Variants in PCDHGA1 observed in about 807,000 individuals in gnomAD.
The protein encoded by PCDHGA1 is protocadherin gamma-A1.
Under a neutral mutation model 58.0 loss-of-function variants are expected in PCDHGA1, and 32 were observed. The ratio of observed to expected loss-of-function variants is 0.55; its 90% CI spans 0.42 to 0.74. The LOEUF (loss-of-function observed/expected upper bound fraction) is 0.74, where lower values mean the gene tolerates loss of function less well. Ranked by LOEUF, PCDHGA1 falls within the 30% of genes least tolerant of loss-of-function variation. PCDHGA1 has a pLI of 0.00. For missense variants in PCDHGA1, 1,205 were observed against 1,182.3 expected, an observed-to-expected ratio of 1.02 and a Z score of -0.28; for synonymous variants, 498 against 501.1, an observed-to-expected ratio of 0.99 and a Z score of 0.08.
chr5:141,364,866 C>A (rs749361969), intron 1 of PCDHGA1: 1 of 1,614,016 alleles, frequency 6.2e-7, no homozygotes, highest in Non-Finnish European at 8.5e-7. Context: ...CTGCACTTCT[C>A]TCTGGATGTG....
chr5:141,340,315 C>T (rs749272977), intron 1 of PCDHGA1: 4 of 1,614,024 alleles, frequency 2.5e-6, no homozygotes, highest in East Asian at 2.2e-5. Flanking sequence ...TCAACGACAA[C>T]GCACCCGCCT....
rs371130763 is a variant in PCDHGA1 at position 141,432,970 on chromosome 5, G to A, written c.2422-61837G>A. The A allele has an allele frequency of 5.0e-6, 8 of 1,613,996 alleles. No homozygotes were observed. Among genetic ancestry groups the A allele is most frequent in the East Asian group, 4.5e-5 (2 of 44,868 alleles). ...GAGGCGGCTTGACAGGAGCGCCGGC[G>A]TCGCACTTTGTGGGCGTGGACGGGG... On this transcript the variant is annotated intron_variant, in intron 1 of 3. Transcript: ENST00000517417. The surrounding 1 kb of genome is among the most constrained non-coding windows in gnomAD (Gnocchi z 6.0).
At chr5:141,395,276 A>G in intron 1 of PCDHGA1, 1 of 1,543,522 alleles carries the variant, frequency 6.5e-7, no homozygotes. Flanking sequence ...TTTCCAGATG[A>G]ATTTTATTTG....
intron 1 of PCDHGA1, chr5:141,345,598 A>G (rs1757606601): frequency 1.2e-6 from 2 of 1,614,168 alleles, no homozygotes; most frequent in Non-Finnish European, 1.7e-6. Flanking sequence ...TCCTTCGACT[A>G]CGAGCAATTT....
At chr5:141,456,044 C>T (rs1307913066) in intron 1 of PCDHGA1, among the ~76,000 whole-genome samples, 2 of 151,826 alleles carry the variant, frequency 1.3e-5, no homozygotes, top group African/African-American at 2.4e-5. Context: ...ACTACAGGCG[C>T]CCACCACCAC....
chr5:141,490,454 CG>C lies in PCDHGA1; in HGVS notation c.2422-4352del. ...ATTAAGCCTTCTGAGAACCACTACT[CG>C]CTGCTAACCAGCCAGCCTTTGGACC... On this transcript the variant is annotated intron_variant, in intron 1 of 3. Coordinates refer to ENST00000517417, the MANE Select transcript of PCDHGA1 (RefSeq NM_018912.3). This position sits in a 1 kb window ranked among gnomAD's most constrained non-coding sequence, Gnocchi z 5.4. The C allele has an allele frequency of 1.2e-6, 2 of 1,614,176 alleles. No individual in the cohort carries two copies. Among genetic ancestry groups the C allele is most frequent in the Non-Finnish European group, 1.7e-6 (2 of 1,180,020 alleles).
At chr5:141,488,797 T>G (rs1451050520) in intron 1 of PCDHGA1, among the ~76,000 whole-genome samples, 6 of 152,158 alleles carry the variant, frequency 3.9e-5, no homozygotes, top group Non-Finnish European at 8.8e-5. Context: ...TCTTCCCTGT[T>G]GAGTACCATC....
At chr5:141,390,887 T>A (rs547559021) in intron 1 of PCDHGA1, 2,724 of 151,184 alleles carry the variant, frequency 0.018, 30 homozygotes, top group African/African-American at 0.021. Flanking sequence ...TGTGTGTGTG[T>A]GAGAGAGATC....
chr5:141,482,102 A>T (rs1016315214), intron 1 of PCDHGA1, among the ~76,000 whole-genome samples: 13 of 151,860 alleles, frequency 8.6e-5, no homozygotes, highest in African/African-American at 2.7e-4. Context: ...AAAAAAAAAA[A>T]AAATATCTAG....
chr5:141,455,593 C>T (rs957677108), intron 1 of PCDHGA1, among the ~76,000 whole-genome samples: 4 of 152,070 alleles, frequency 2.6e-5, no homozygotes, highest in Non-Finnish European at 5.9e-5. Flanking sequence ...AATATGCAAA[C>T]GTAGGGCGCC....
chr5:141,394,643 G>T, intron 1 of PCDHGA1: 1 of 1,613,492 alleles, frequency 6.2e-7, no homozygotes, highest in Non-Finnish European at 8.5e-7. Flanking sequence ...GCCTGCTCAA[G>T]GCCAGCGAGC....
intron 1 of PCDHGA1, chr5:141,404,365 C>G (rs1322773399): frequency 1.2e-6 from 2 of 1,613,818 alleles, no homozygotes; most frequent in Admixed American, 3.3e-5. Context: ...GTACTTCCAT[C>G]TTCTCCGTGA....
Position 141,485,718 on chromosome 5 carries a change from T to A in PCDHGA1, c.2422-9089T>A, listed in dbSNP as rs562192762. ...TCCAATGAACACTTTGCACTGGATG[T>A]GAAGAAGCGCAGCGACGGCAGCCTG... On this transcript the variant is annotated intron_variant, in intron 1 of 3. Coordinates refer to ENST00000517417, the MANE Select transcript of PCDHGA1 (RefSeq NM_018912.3). The surrounding 1 kb of genome is among the most constrained non-coding windows in gnomAD (Gnocchi z 5.7). 1 of 1,614,058 alleles carries A rather than the reference T, an allele frequency of 6.2e-7. No homozygotes were observed. The highest frequency in any genetic ancestry group is 2.2e-5 in the East Asian group (1 of 44,866).
intron 1 of PCDHGA1, chr5:141,402,874 C>T: frequency 2.7e-6 from 4 of 1,460,728 alleles, no homozygotes; most frequent in South Asian, 1.5e-5. Flanking sequence ...GATCACCATA[C>T]TTTGCAGGGT....
At chr5:141,404,891 C>G in intron 1 of PCDHGA1, 1 of 1,613,898 alleles carries the variant, frequency 6.2e-7, no homozygotes, top group African/African-American at 1.3e-5. Context: ...GGTGGCTGTA[C>G]AGGACCATGG....
intron 1 of PCDHGA1, among the ~76,000 whole-genome samples, chr5:141,358,682 T>A (rs770893942): frequency 6.6e-6 from 1 of 152,214 alleles, no homozygotes. Flanking sequence ...AAATTGCTTA[T>A]CATGACATCA....
At chr5:141,409,290 G>A in intron 1 of PCDHGA1, 1 of 1,613,974 alleles carries the variant, frequency 6.2e-7, no homozygotes. Context: ...TCACCTCCAG[G>A]AATGGTTGTT....
chr5:141,418,360 G>T (rs544948410), intron 1 of PCDHGA1: 4 of 1,613,990 alleles, frequency 2.5e-6, no homozygotes, highest in Non-Finnish European at 3.4e-6. Flanking sequence ...TGAATTCGCT[G>T]AGCAAATACC....
Position 141,352,980 on chromosome 5 carries a change from C to T in PCDHGA1, c.2421+19875C>T, listed in dbSNP as rs185018793. 1.3e-3 allele frequency among the ~76,000 whole-genome samples: 196 copies of T among 152,226 alleles called. 1 individual carries two copies. Among genetic ancestry groups the T allele is most frequent in the Non-Finnish European group, 2.3e-3 (154 of 68,014 alleles). On this transcript the variant is annotated intron_variant, in intron 1 of 3. Transcript: ENST00000517417. ...TCCAGCCTGGGTGATGGGAGGGAAACTGTCTAAAAAAACAAACAAACAAAA... is the reference window on the plus strand; with the variant it reads ...TCCAGCCTGGGTGATGGGAGGGAAATTGTCTAAAAAAACAAACAAACAAAA...
Sources: allele counts gnomAD v4.1 joint callset (sites outside exome capture counted in the v4.1 genomes callset), GRCh38; gene constraint gnomAD v4.1.1; non-coding constraint Gnocchi (gnomAD v3.1); transcripts MANE v1.5; gene names NCBI Gene and HGNC (gene_info 2026-07-23, HGNC 2026-07-21).